The following HMCN2 variants were observed in gnomAD, a reference collection of about 807,000 sequenced individuals.
The protein encoded by HMCN2 is hemicentin-2.
A neutral mutation model predicts 377.5 loss-of-function variants in HMCN2; 325 were observed. The ratio of observed to expected loss-of-function variants is 0.86; its 90% CI spans 0.79 to 0.94. The LOEUF is 0.94. HMCN2 is among the 40% of genes least tolerant of loss of function. The pLI is 0.00. For synonymous variants in HMCN2, 2,007 were observed against 2,046.8 expected (o/e 0.98, Z 0.53); for missense variants, 4,543 against 4,725.3 (o/e 0.96, Z 1.13).
intron 43 of HMCN2, among the ~76,000 whole-genome samples, chr9:130,368,052 C>A (rs150275193): frequency 1.3e-4 from 19 of 151,206 alleles, no homozygotes; most frequent in African/African-American, 4.4e-4. Context: ...GTAGGCAGAT[C>A]TGTGATGCAG....
chr9:130,400,243 GTC>G (rs1842801075), intron 76 of HMCN2: 1 of 152,846 alleles, frequency 6.5e-6, no homozygotes, highest in Admixed American at 6.5e-5. Context: ...CTAGGCCAGG[GTC>G]TCTATAGAAA....
At chr9:130,416,407 G>T (rs376228107) in intron 85 of HMCN2, among the ~76,000 whole-genome samples, 1 of 152,012 alleles carries the variant, frequency 6.6e-6, no homozygotes, top group Non-Finnish European at 1.5e-5. Context: ...GCCTGGCCTC[G>T]ACCTTCATTT....
At chr9:130,377,558 G>A in intron 52 of HMCN2, 91 bp from the exon 53 acceptor site, 1 of 701,604 alleles carries the variant, frequency 1.4e-6, no homozygotes, top group Non-Finnish European at 1.8e-6. Context: ...CATTTTTGGA[G>A]AATGTATTGA....
intron 27 of HMCN2, 35 bp from the exon 28 acceptor site, chr9:130,348,949 C>T: frequency 7.7e-7 from 1 of 1,295,982 alleles, no homozygotes; most frequent in Non-Finnish European, 1.0e-6. Flanking sequence ...GGCTGGATCC[C>T]CTCTTACTGG....
At chr9:130,392,260 A>T (rs1474573264) in intron 66 of HMCN2, 142 bp downstream of exon 66, 2 of 521,838 alleles carry the variant, frequency 3.8e-6, no homozygotes, top group Non-Finnish European at 4.9e-6. Context: ...TGCGCCCCAG[A>T]TGCTAATGCT....
intron 85 of HMCN2, among the ~76,000 whole-genome samples, chr9:130,413,496 T>C (rs922909382): frequency 2.0e-5 from 3 of 152,208 alleles, no homozygotes; most frequent in Non-Finnish European, 4.4e-5. Context: ...ATGGTATAGA[T>C]GCACTTCTCC....
intron 18 of HMCN2, among the ~76,000 whole-genome samples, chr9:130,321,457 G>A (rs1837846515): frequency 6.6e-6 from 1 of 152,258 alleles, no homozygotes; most frequent in Middle Eastern, 3.4e-3. Flanking sequence ...CCTGCAGGCT[G>A]CAAAGAGGTG....
At chr9:130,319,115 A>G (rs878858030) in intron 15 of HMCN2, among the ~76,000 whole-genome samples, 146,115 of 152,222 alleles carry the variant, frequency 0.96, 70,438 homozygotes, top group East Asian at 1. Context: ...AGGGGTAGAA[A>G]TGAAGGCTCA....
rs972128322 is a variant in HMCN2, at chr9:130,373,133, C to T, written c.7438+9C>T. Reference sequence around the variant, plus strand: ...TATGTGCAACGTCACAGGTAAGGGCCACATGATGTGATGGGCTGGGAGAAG... The same window carrying T: ...TATGTGCAACGTCACAGGTAAGGGCTACATGATGTGATGGGCTGGGAGAAG... On this transcript the variant is annotated intron_variant, in intron 48 of 97. Coordinates refer to ENST00000683500, the MANE Select transcript of HMCN2 (RefSeq NM_001291815.2). The T allele has an allele frequency of 1.0e-6, 1 of 972,014 alleles. No homozygotes were observed. The allele number at this position is 972,014 out of a possible 1,614,324, so 60.2% of individuals were successfully genotyped here.
chr9:130,342,760 G>T (rs1839127040), intron 25 of HMCN2, among the ~76,000 whole-genome samples: 3 of 152,148 alleles, frequency 2.0e-5, no homozygotes, highest in African/African-American at 7.2e-5. Context: ...GATCGCCAGG[G>T]CTGAGGCAGC....
intron 15 of HMCN2, among the ~76,000 whole-genome samples, chr9:130,310,528 C>G (rs371975700): frequency 6.6e-6 from 1 of 152,198 alleles, no homozygotes. Flanking sequence ...AACAAGCCAT[C>G]GCTTCTGCCC....
rs1414093604 is a variant in HMCN2 at position 130,395,930 on chromosome 9, G to T, written c.10918G>T (p.Ala3640Ser). 5.9e-5 allele frequency: 76 copies of T among 1,286,842 alleles called. No individual in the cohort carries two copies. The highest frequency in any genetic ancestry group is 7.4e-5 in the Non-Finnish European group (73 of 988,372). 79.7% of individuals were successfully genotyped at this position (1,286,842 alleles called of 1,614,324 possible). Residue 3640 changes from alanine to serine, a missense_variant, in exon 72 of 98, where the codon GCC becomes TCC. By Grantham distance (99) the Ala-to-Ser change is moderately conservative. This residue lies in a region of HMCN2 where 1,073 missense variants were observed against 1,319.5 expected (regional missense o/e 0.81). Coordinates refer to ENST00000683500, the MANE Select transcript of HMCN2 (RefSeq NM_001291815.2). ...CCCTGGCGGGGCTCTCCAGGAGGAC[G>T]CCCACACACAATTCCCGGAGCGGGG... ...HRDGIVLQED[A>S]HTQFPERGRF...
intron 29 of HMCN2, among the ~76,000 whole-genome samples, chr9:130,350,496 G>T (rs1839651699): frequency 6.6e-6 from 1 of 151,634 alleles, no homozygotes; most frequent in African/African-American, 2.4e-5. Context: ...GGTGGAGGTT[G>T]CAGTGAGCTG....
rs528925108 is a variant in HMCN2, at chr9:130,371,786, G to A, written c.7238-508G>A. ...ATTGGGCCCAGTGGAAAGGAATGTG[G>A]CAATCAGTTAGTAATGTCGGCTCTG... On this transcript the variant is annotated intron_variant, in intron 46 of 97. Coordinates refer to ENST00000683500, the MANE Select transcript of HMCN2 (RefSeq NM_001291815.2). Among the ~76,000 whole-genome samples the A allele has an allele frequency of 7.9e-5, 12 of 152,344 alleles. No homozygotes were observed. The East Asian group carries it at 2.3e-3, about 29-fold the overall frequency.
intron 81 of HMCN2, 43 bp from the exon 82 acceptor site, chr9:130,405,912 G>A (rs1036355392): frequency 8.8e-6 from 11 of 1,247,500 alleles, no homozygotes; most frequent in South Asian, 1.3e-5. Context: ...GACCTATGCC[G>A]AGGTGGGGCA....
At chr9:130,417,521 C>CAAAAA (rs397893236) in intron 85 of HMCN2, among the ~76,000 whole-genome samples, 1 of 47,354 alleles carries the variant, frequency 2.1e-5, no homozygotes, top group Admixed American at 2.5e-4. Flanking sequence ...GACTCCGTCT[C>CAAAAA]AAAAAAAAAA....
In HMCN2 at chr9:130,361,927, G is replaced by A; in HGVS notation, c.5951-81G>A. 1 of 921,596 alleles carries A rather than the reference G, an allele frequency of 1.1e-6. No homozygotes were observed. The highest frequency in any genetic ancestry group is 1.3e-6 in the Non-Finnish European group (1 of 771,410). The allele number at this position is 921,596 out of a possible 1,614,324, so 57.1% of individuals were successfully genotyped here. On this transcript the variant is annotated intron_variant, in intron 38 of 97. Coordinates refer to ENST00000683500, the MANE Select transcript of HMCN2 (RefSeq NM_001291815.2). This position sits in a 1 kb window ranked among gnomAD's most constrained non-coding sequence, Gnocchi z 4.8. ...GCTTTTGCTGTGGCTGTGTGCTCCT[G>A]CAGGGGTGCCCAGCCAGGGGCCCTG...
intron 66 of HMCN2, among the ~76,000 whole-genome samples, chr9:130,392,657 G>A (rs1564847642): frequency 6.6e-6 from 1 of 152,154 alleles, no homozygotes; most frequent in African/African-American, 2.4e-5. Flanking sequence ...CAGCAGGGGT[G>A]GAGGCAGCTG....
chr9:130,294,412 C>T (rs1165892033), intron 4 of HMCN2, among the ~76,000 whole-genome samples: 1 of 152,224 alleles, frequency 6.6e-6, no homozygotes, highest in Admixed American at 6.5e-5. Flanking sequence ...GCCTCTCAGT[C>T]CTGCTTAGGG....
Sources: gnomAD v4.1 joint callset for allele counts (sites outside exome capture counted in the v4.1 genomes callset) on GRCh38, gnomAD v4.1.1 for gene constraint, gnomAD v4.1.1 regional missense constraint, Gnocchi (gnomAD v3.1) non-coding constraint, MANE v1.5 for transcripts, NCBI Gene and HGNC (gene_info 2026-07-23, HGNC 2026-07-21) for gene names.